ITFG2: variants seen among roughly 807,000 people sequenced by gnomAD.
ITFG2 encodes KICSTOR complex protein ITFG2.
A neutral mutation model predicts 54.4 loss-of-function variants in ITFG2; 36 were observed. That is an observed-to-expected ratio of 0.66 (90% confidence interval 0.51 to 0.87). The LOEUF is 0.87. Among genes scored for constraint, ITFG2 ranks in the 40% least tolerant of loss-of-function variants. The pLI, the probability that ITFG2 is intolerant of heterozygous loss-of-function variation, is 0.00. For missense variants in ITFG2, 524 were observed against 576.7 expected, an observed-to-expected ratio of 0.91 and a Z score of 0.94; for synonymous variants, 211 against 225.4, an observed-to-expected ratio of 0.94 and a Z score of 0.57.
chr12:2,859,629 GAA>G, exon 4 of ITFG2: 2 of 1,611,694 alleles, frequency 1.2e-6, no homozygotes, highest in Non-Finnish European at 1.7e-6. Flanking sequence ...TCCTGCAGAA[GAA>G]AGAGGAGCTA....
chr12:2,821,880 C>A, intron 9 of ITFG2, 88 bp downstream of exon 9: 1 of 943,686 alleles, frequency 1.1e-6, no homozygotes, highest in Non-Finnish European at 1.6e-6. Flanking sequence ...TTCTCACATC[C>A]CAGGGAACTC....
chr12:2,829,572 A>G (rs891731320), downstream of ITFG2, among the ~76,000 whole-genome samples: 2 of 151,802 alleles, frequency 1.3e-5, no homozygotes, highest in African/African-American at 2.4e-5. Flanking sequence ...CCAGGAGTTC[A>G]GGACCAGCCT....
At chr12:2,841,961 C>A (rs998361242) in intron 2 of ITFG2, among the ~76,000 whole-genome samples, 3 of 151,846 alleles carry the variant, frequency 2.0e-5, no homozygotes, top group African/African-American at 7.3e-5. Flanking sequence ...TCGTGATCCA[C>A]CCCCTTCAGC....
chr12:2,828,367 G>C, downstream of ITFG2: 1 of 1,614,168 alleles, frequency 6.2e-7, no homozygotes, highest in Non-Finnish European at 8.5e-7. Context: ...AGATCCGATT[G>C]TATTGGGTGC....
At position 2,821,714 on chromosome 12, in the gene ITFG2, A is replaced by G; in HGVS notation, c.870A>G (p.Glu290=). The change falls in exon 9 of 12, where the codon GAA becomes GAG. Residue 290 remains glutamate, a synonymous_variant. Transcript: ENST00000228799. ...TLDGTLKLME[E]MEEADKLLWS... ...CAGGGACACTGAAGCTCATGGAAGA[A>G]ATGGAAGAAGCAGACAAGCTGCTGT... 1 of 1,614,122 alleles carries G rather than the reference A, an allele frequency of 6.2e-7. No individual in the cohort carries two copies. The highest frequency in any genetic ancestry group is 1.1e-5 in the South Asian group (1 of 91,090).
intron 2 of ITFG2, chr12:2,830,774 A>G (rs2097997592): frequency 6.2e-7 from 1 of 1,613,786 alleles, no homozygotes; most frequent in African/African-American, 1.3e-5. Context: ...CCTGGCCATG[A>G]ATCAGGTCCT....
chr12:2,859,481 G>A, intron 3 of ITFG2: 3 of 1,613,962 alleles, frequency 1.9e-6, no homozygotes, highest in Non-Finnish European at 1.7e-6. Context: ...ACTCTTCCAA[G>A]GGAGGGCTCT....
intron 2 of ITFG2, among the ~76,000 whole-genome samples, chr12:2,850,763 C>A (rs995062117): frequency 6.6e-6 from 1 of 151,640 alleles, no homozygotes; most frequent in African/African-American, 2.4e-5. Flanking sequence ...ACCTCCATCT[C>A]CCAGGCTCAA....
chr12:2,855,302 T>C, intron 2 of ITFG2: 1 of 1,528,914 alleles, frequency 6.5e-7, no homozygotes, highest in Non-Finnish European at 8.8e-7. Flanking sequence ...TTGGACTTCA[T>C]ATCTGTGCAG....
At chr12:2,857,139 G>T in intron 2 of ITFG2, 1 of 699,650 alleles carries the variant, frequency 1.4e-6, no homozygotes. Context: ...ATGCAGAGAA[G>T]AGGCCCTCAC....
downstream of ITFG2, among the ~76,000 whole-genome samples, chr12:2,830,062 G>A (rs1339857500): frequency 6.6e-6 from 1 of 151,950 alleles, no homozygotes; most frequent in Non-Finnish European, 1.5e-5. Flanking sequence ...GGGTGACAGA[G>A]CGAGACTCTG....
At chr12:2,846,329 T>A (rs2098053328) in intron 2 of ITFG2, among the ~76,000 whole-genome samples, 1 of 152,132 alleles carries the variant, frequency 6.6e-6, no homozygotes, top group Non-Finnish European at 1.5e-5. Context: ...GGCAGCTTGT[T>A]TTCAAGAATC....
intron 2 of ITFG2, among the ~76,000 whole-genome samples, chr12:2,841,414 T>G (rs1258278992): frequency 6.6e-6 from 1 of 152,214 alleles, no homozygotes; most frequent in African/African-American, 2.4e-5. Flanking sequence ...GAAGGCTCCC[T>G]TGGCCTTCCA....
At chr12:2,840,379 G>A (rs988649411) in intron 1 of ITFG2, among the ~76,000 whole-genome samples, 4 of 151,738 alleles carry the variant, frequency 2.6e-5, no homozygotes, top group African/African-American at 9.7e-5. Context: ...CTTGAAACCG[G>A]GAGGTGGATC....
At chr12:2,846,363 C>T (rs2153927674) in intron 2 of ITFG2, among the ~76,000 whole-genome samples, 1 of 152,324 alleles carries the variant, frequency 6.6e-6, no homozygotes, top group South Asian at 2.1e-4. Flanking sequence ...TCCTCCCACT[C>T]CCTAAATCTT....
rs368559236 is a variant in ITFG2, at chr12:2,849,238, T to C, written n.300+8243T>C. ...TCCCCTCTGGAAGCCCTTCTAGAAG[T>C]GTCCAGGTCTTCTCTTCCTCTTCCT... On this transcript the variant is annotated intron_variant and non_coding_transcript_variant, in intron 2 of 3. Transcript: ENST00000537710. The C allele has an allele frequency of 5.9e-6, 9 of 1,535,578 alleles. No homozygotes were observed. The African/African-American group carries it at 9.6e-5, about 16-fold the overall frequency.
At chr12:2,818,392 T>G (rs777373140) in intron 4 of ITFG2, 115 bp downstream of exon 4, 1 of 1,531,138 alleles carries the variant, frequency 6.5e-7, no homozygotes, top group Non-Finnish European at 8.8e-7. Context: ...GCATTTGTTA[T>G]GTGCTGAGCT....
Position 2,822,920 on chromosome 12 carries a change from CG to C in ITFG2, c.1066+10del. 6.2e-7 allele frequency: 1 copy of C among 1,604,832 alleles called. No homozygotes were observed. The highest frequency in any genetic ancestry group is 8.5e-7 in the Non-Finnish European group (1 of 1,171,518). On this transcript the variant is annotated intron_variant, in intron 10 of 11. Coordinates refer to ENST00000228799, the MANE Select transcript of ITFG2 (RefSeq NM_018463.4). The stretch of plus-strand genomic sequence containing the variant: ...CCGTGCCTTCTGTGCAGGTGACCCC[CG>C]CCCCCATGGCCCCTTTCTAACCACA...
chr12:2,827,135 G>T, downstream of ITFG2: 1 of 1,604,450 alleles, frequency 6.2e-7, no homozygotes. This position sits in a 1 kb window ranked among gnomAD's most constrained non-coding sequence, Gnocchi z 4.0. Flanking sequence ...CTGGCTTCAA[G>T]AGCCCCCGTT....
Sources: allele counts gnomAD v4.1 joint callset (sites outside exome capture counted in the v4.1 genomes callset), GRCh38; gene constraint gnomAD v4.1.1; non-coding constraint Gnocchi (gnomAD v3.1); transcripts MANE v1.5; gene names NCBI Gene and HGNC (gene_info 2026-07-23, HGNC 2026-07-21).